CNTN5: variants seen among roughly 807,000 people sequenced by gnomAD.
CNTN5 encodes the protein contactin-5.
Under a neutral mutation model 129.1 loss-of-function variants are expected in CNTN5, and 77 were observed. That is an observed-to-expected ratio of 0.60 (90% CI 0.50 to 0.72). The LOEUF is 0.72. Ranked by LOEUF, CNTN5 falls within the 30% of genes least tolerant of loss-of-function variation. The pLI is 0.00. For synonymous variants in CNTN5, 509 were observed against 465.6 expected, an observed-to-expected ratio of 1.09 and a Z score of -1.20; for missense variants, 1,478 against 1,328.8, an observed-to-expected ratio of 1.11 and a Z score of -1.75.
At chr11:99,309,619 G>C (rs1413900888) in intron 1 of CNTN5, among the ~76,000 whole-genome samples, 1 of 152,140 alleles carries the variant, frequency 6.6e-6, no homozygotes, top group Non-Finnish European at 1.5e-5. Context: ...TTCCGTCTTT[G>C]ATAGCAGCTC....
chr11:100,106,700 A>G (rs1945446380), intron 13 of CNTN5, among the ~76,000 whole-genome samples: 2 of 152,180 alleles, frequency 1.3e-5, no homozygotes, highest in South Asian at 4.1e-4. Flanking sequence ...TTGGAAGATG[A>G]GAAGACTATC....
At chr11:99,919,462 G>A (rs936748377) in intron 7 of CNTN5, among the ~76,000 whole-genome samples, 2 of 151,926 alleles carry the variant, frequency 1.3e-5, no homozygotes, top group South Asian at 4.2e-4. Flanking sequence ...CATGATTTTT[G>A]GTTTCCCTTT....
intron 3 of CNTN5, among the ~76,000 whole-genome samples, chr11:99,643,837 A>G (rs1344185129): frequency 1.1e-5 from 1 of 91,022 alleles, no homozygotes; most frequent in Non-Finnish European, 2.3e-5. Context: ...TTAAATTCTT[A>G]TATTTCAAAA....
At chr11:99,322,540 C>T (rs537433975) in intron 1 of CNTN5, among the ~76,000 whole-genome samples, 2 of 152,136 alleles carry the variant, frequency 1.3e-5, no homozygotes, top group East Asian at 3.9e-4. Flanking sequence ...CTTGAAGTTA[C>T]TATGTTGTTG....
chr11:99,334,922 G>A (rs1866159626), intron 2 of CNTN5, among the ~76,000 whole-genome samples: 1 of 151,888 alleles, frequency 6.6e-6, no homozygotes, highest in African/African-American at 2.4e-5. Flanking sequence ...GATTTGAGTA[G>A]GAGTTATTTG....
intron 1 of CNTN5, among the ~76,000 whole-genome samples, chr11:99,090,616 AT>A (rs1284138126): frequency 4.0e-5 from 6 of 151,530 alleles, no homozygotes; most frequent in African/African-American, 1.5e-4. Flanking sequence ...GATCTTAGTT[AT>A]AAGGGAAAAG....
intron 6 of CNTN5, among the ~76,000 whole-genome samples, chr11:99,878,147 CCTT>C (rs1337319645): frequency 2.0e-5 from 3 of 152,262 alleles, no homozygotes; most frequent in African/African-American, 7.2e-5. Flanking sequence ...TTTCTTTTAA[CCTT>C]CTTATTTTAG....
intron 2 of CNTN5, among the ~76,000 whole-genome samples, chr11:99,379,474 T>G (rs1484139244): frequency 6.6e-6 from 1 of 152,152 alleles, no homozygotes; most frequent in African/African-American, 2.4e-5. Flanking sequence ...AAGTGCCATT[T>G]GAAAATGAAT....
chr11:100,057,545 C>A (rs1943286558), intron 9 of CNTN5, among the ~76,000 whole-genome samples: 1 of 151,656 alleles, frequency 6.6e-6, no homozygotes, highest in South Asian at 2.1e-4. Flanking sequence ...TAACAATATA[C>A]CAAACATATG....
intron 9 of CNTN5, among the ~76,000 whole-genome samples, chr11:100,012,377 T>C (rs963632565): frequency 1.3e-5 from 2 of 152,152 alleles, no homozygotes; most frequent in Non-Finnish European, 2.9e-5. Context: ...GCTAATGTTT[T>C]GATGCAACTT....
chr11:99,051,465 T>C (rs1042080782), intron 1 of CNTN5, among the ~76,000 whole-genome samples: 4 of 151,886 alleles, frequency 2.6e-5, no homozygotes, highest in African/African-American at 9.7e-5. Flanking sequence ...ATTCATAAAT[T>C]TTTCTGCGGT....
At chr11:100,001,743 T>A (rs955809023) in intron 8 of CNTN5, among the ~76,000 whole-genome samples, 2 of 152,174 alleles carry the variant, frequency 1.3e-5, no homozygotes, top group African/African-American at 4.8e-5. Flanking sequence ...ATAGTCATAG[T>A]TTTTTTAGAA....
At chr11:100,071,680 T>A in intron 11 of CNTN5, 25 bp from the exon 12 acceptor site, 2 of 1,519,782 alleles carry the variant, frequency 1.3e-6, no homozygotes, top group Non-Finnish European at 1.8e-6. Flanking sequence ...ACTTTCTAGA[T>A]CTAATTTTTT....
intron 16 of CNTN5, among the ~76,000 whole-genome samples, chr11:100,228,345 G>A (rs967704615): frequency 2.6e-4 from 39 of 152,304 alleles, no homozygotes; most frequent in African/African-American, 8.9e-4. Flanking sequence ...TGAAACGAAT[G>A]AATTAAGCTC....
chr11:100,058,499 A>G (rs1336140062), intron 9 of CNTN5, among the ~76,000 whole-genome samples: 1 of 152,108 alleles, frequency 6.6e-6, no homozygotes, highest in Non-Finnish European at 1.5e-5. Context: ...AATATATGCA[A>G]AAATTCTAGG....
At chr11:99,849,873 T>C (rs1042891672) in intron 6 of CNTN5, among the ~76,000 whole-genome samples, 3 of 152,130 alleles carry the variant, frequency 2.0e-5, no homozygotes, top group Admixed American at 2.0e-4. Flanking sequence ...TATAAATGTG[T>C]ATTGGATTTC....
At chr11:99,314,044 G>A (rs1865229963) in intron 1 of CNTN5, among the ~76,000 whole-genome samples, 1 of 151,880 alleles carries the variant, frequency 6.6e-6, no homozygotes, top group South Asian at 2.1e-4. Flanking sequence ...TAGCCCAAAG[G>A]GGGTTGGTAA....
At chr11:99,952,706 A>G (rs887620076) in intron 7 of CNTN5, among the ~76,000 whole-genome samples, 5 of 152,138 alleles carry the variant, frequency 3.3e-5, no homozygotes, top group Admixed American at 6.5e-5. Flanking sequence ...CAAAAGTTAT[A>G]TTTTCATAAT....
intron 9 of CNTN5, among the ~76,000 whole-genome samples, chr11:100,049,324 C>G (rs1184587072): frequency 6.6e-6 from 1 of 151,854 alleles, no homozygotes; most frequent in South Asian, 2.1e-4. Flanking sequence ...ATAATATTGT[C>G]AGATTCATAT....
Sources: gnomAD v4.1 joint callset for allele counts (sites outside exome capture counted in the v4.1 genomes callset) on GRCh38, gnomAD v4.1.1 for gene constraint, MANE v1.5 for transcripts, NCBI Gene and HGNC (gene_info 2026-07-23, HGNC 2026-07-21) for gene names.